NIPA1: variants seen among roughly 807,000 people sequenced by gnomAD.
NIPA1 encodes NIPA magnesium transporter 1, also known as magnesium transporter NIPA1.
A neutral mutation model predicts 23.9 loss-of-function variants in NIPA1; 13 were observed. The ratio of observed to expected loss-of-function variants is 0.54; its 90% CI spans 0.35 to 0.87. The LOEUF (loss-of-function observed/expected upper bound fraction) is 0.87, where lower values mean the gene tolerates loss of function less well. Among genes scored for constraint, NIPA1 ranks in the 40% least tolerant of loss-of-function variants. The pLI is 0.01. For missense variants in NIPA1, 362 were observed against 429.7 expected, an observed-to-expected ratio of 0.84 and a Z score of 1.39; for synonymous variants, 234 against 202.9, an observed-to-expected ratio of 1.15 and a Z score of -1.30.
intron 1 of NIPA1, among the ~76,000 whole-genome samples, chr15:22,797,748 C>T (rs1449834848): frequency 2.0e-5 from 3 of 152,256 alleles, no homozygotes; most frequent in South Asian, 2.1e-4. Flanking sequence ...CGTGATCCGC[C>T]CACCTCGGCC....
intron 1 of NIPA1, among the ~76,000 whole-genome samples, chr15:22,793,843 T>A (rs953743375): frequency 6.6e-6 from 1 of 152,166 alleles, no homozygotes; most frequent in African/African-American, 2.4e-5. Flanking sequence ...CCCCAGTGTA[T>A]GTTCTTGCTG....
At position 22,798,644 on chromosome 15, in the gene NIPA1, C is replaced by T. The variant is rs561592420; in HGVS notation, c.178+11810C>T. 5.4e-5 allele frequency among the ~76,000 whole-genome samples: 8 copies of T among 148,720 alleles called. No homozygotes were observed. The South Asian group carries it at 1.5e-3, about 28-fold the overall frequency. On this transcript the variant is annotated intron_variant, in intron 1 of 4. Transcript: ENST00000337435. ...CGGGTGGATCACGAGGTCAGGAGAT[C>T]GAGACCATCCTGGCCAACACGGTGA...
At chr15:22,808,844 A>T (rs1483557655) in intron 1 of NIPA1, among the ~76,000 whole-genome samples, 2 of 151,636 alleles carry the variant, frequency 1.3e-5, no homozygotes, top group Non-Finnish European at 2.9e-5. Context: ...TAATTTTTAA[A>T]TTTTTTGTAG....
intron 1 of NIPA1, among the ~76,000 whole-genome samples, chr15:22,807,782 T>TTGTGTGTGTGTG (rs71117484): frequency 2.4e-4 from 35 of 145,822 alleles, no homozygotes; most frequent in African/African-American, 6.6e-4. Flanking sequence ...TTAAATTCAC[T>TTGTGTGTGTGTG]TGTGTGTGTG....
At chr15:22,789,622 G>A (rs147610925) in intron 1 of NIPA1, among the ~76,000 whole-genome samples, 56 of 152,294 alleles carry the variant, frequency 3.7e-4, no homozygotes, top group African/African-American at 1.3e-3. Flanking sequence ...AGGCGAGGGA[G>A]GCATGGAGGT....
At chr15:22,793,886 A>C (rs1236313111) in intron 1 of NIPA1, among the ~76,000 whole-genome samples, 1 of 152,032 alleles carries the variant, frequency 6.6e-6, no homozygotes, top group Non-Finnish European at 1.5e-5. Flanking sequence ...GTAAATATGT[A>C]GATTTATTTC....
intron 1 of NIPA1, among the ~76,000 whole-genome samples, chr15:22,788,515 A>AAAAAAAAAAAAAAAAAAC (rs1894760236): frequency 6.0e-5 from 9 of 151,098 alleles, no homozygotes; most frequent in Non-Finnish European, 1.0e-4. Flanking sequence ...AAAAAAAAAA[A>AAAAAAAAAAAAAAAAAAC]TCTTGCAGTA....
chr15:22,803,520 T>A (rs1895132710), intron 1 of NIPA1, among the ~76,000 whole-genome samples: 1 of 138,428 alleles, frequency 7.2e-6, no homozygotes, highest in African/African-American at 2.7e-5. Context: ...TTTTTTTTTT[T>A]TTTTTTGAGA....
chr15:22,786,682 CG>C lies in NIPA1; in HGVS notation c.28del (p.Ala10ArgfsTer32). MGTAAAAA[A>X]AAAAAAAGEG... ...ATGGGGACTGCAGCTGCGGCAGCGG[CG>C]GCGGCGGCGGCGGCGGCGGCCGGGG... On this transcript the variant is annotated frameshift_variant, in exon 1 of 5. Coordinates refer to ENST00000337435, the MANE Select transcript of NIPA1 (RefSeq NM_144599.5). LOFTEE classifies it high-confidence loss of function. 8 of 1,032,650 alleles carry C rather than the reference CG, an allele frequency of 7.7e-6. No individual in the cohort carries two copies. The highest frequency in any genetic ancestry group is 9.4e-6 in the Non-Finnish European group (8 of 851,456). The allele number at this position is 1,032,650 out of a possible 1,614,324, so 64.0% of individuals were successfully genotyped here.
At chr15:22,795,667 G>C (rs886232828) in intron 1 of NIPA1, among the ~76,000 whole-genome samples, 6 of 152,162 alleles carry the variant, frequency 3.9e-5, no homozygotes, top group African/African-American at 1.4e-4. Context: ...TGGAAGCTTG[G>C]TGGATCCTTG....
At chr15:22,818,800 AAATGAATG>A (rs967245529) in intron 3 of NIPA1, among the ~76,000 whole-genome samples, 1 of 152,164 alleles carries the variant, frequency 6.6e-6, no homozygotes, top group Non-Finnish European at 1.5e-5. Context: ...CTGTCTCAAT[AAATGAATG>A]AATGAATGAA....
chr15:22,812,672 G>T (rs1344576784), intron 3 of NIPA1, among the ~76,000 whole-genome samples: 2 of 151,662 alleles, frequency 1.3e-5, no homozygotes, highest in Non-Finnish European at 2.9e-5. Context: ...AAAGAAGATA[G>T]ATCTTCAGTA....
At chr15:22,810,825 C>A in intron 2 of NIPA1, 29 bp downstream of exon 2, 6 of 1,563,002 alleles carry the variant, frequency 3.8e-6, no homozygotes, top group Non-Finnish European at 5.3e-6. Context: ...GAAGTCTGGT[C>A]TTTTCCTTTC....
At chr15:22,791,586 C>T (rs567182348) in intron 1 of NIPA1, among the ~76,000 whole-genome samples, 8 of 143,632 alleles carry the variant, frequency 5.6e-5, no homozygotes, top group East Asian at 2.2e-4. Context: ...CAGGTTCAAG[C>T]GATTCTCCTG....
rs543273835 is a variant in NIPA1, at chr15:22,789,710, C to G, written c.178+2876C>G. Reference sequence around the variant, plus strand: ...GTGGGGAATCCATGTGGGACTGCAACAACCTCAATTCTTGCTTCCTCAGAA... The same window carrying G: ...GTGGGGAATCCATGTGGGACTGCAAGAACCTCAATTCTTGCTTCCTCAGAA... On this transcript the variant is annotated intron_variant, in intron 1 of 4. Coordinates refer to ENST00000337435, the MANE Select transcript of NIPA1 (RefSeq NM_144599.5). 9.2e-5 allele frequency among the ~76,000 whole-genome samples: 14 copies of G among 152,288 alleles called. No homozygotes were observed. The South Asian group carries it at 1.7e-3, about 18-fold the overall frequency.
In NIPA1 at chr15:22,794,240, G is replaced by A. The variant is rs566078715; in HGVS notation, c.178+7406G>A. Among the ~76,000 whole-genome samples the A allele has an allele frequency of 3.3e-5, 5 of 151,264 alleles. No homozygotes were observed. In the East Asian group the frequency reaches 5.8e-4, roughly 18 times the overall value. On this transcript the variant is annotated intron_variant, in intron 1 of 4. Coordinates refer to ENST00000337435, the MANE Select transcript of NIPA1 (RefSeq NM_144599.5). The stretch of plus-strand genomic sequence containing the variant: ...CAACATGGAGGACATTGTGCTGAGC[G>A]AAACAAGCCAATCACAAATGACAAA...
intron 3 of NIPA1, among the ~76,000 whole-genome samples, chr15:22,818,394 C>G (rs1895468015): frequency 6.6e-6 from 1 of 152,014 alleles, no homozygotes. Flanking sequence ...CGAGATTGCG[C>G]CATTGCACTC....
At chr15:22,788,582 G>C (rs148918144) in intron 1 of NIPA1, among the ~76,000 whole-genome samples, 3 of 151,634 alleles carry the variant, frequency 2.0e-5, no homozygotes, top group Non-Finnish European at 4.4e-5. Context: ...ACAACCAGGA[G>C]GAGCCTAAGA....
At chr15:22,810,506 C>T (rs1168446333) in intron 1 of NIPA1, among the ~76,000 whole-genome samples, 1 of 151,912 alleles carries the variant, frequency 6.6e-6, no homozygotes, top group Admixed American at 6.6e-5. Flanking sequence ...GTATAAAGAT[C>T]TCATTTCCTT....
Sources: gnomAD v4.1 joint callset for allele counts (sites outside exome capture counted in the v4.1 genomes callset) on GRCh38, gnomAD v4.1.1 for gene constraint, MANE v1.5 for transcripts, NCBI Gene and HGNC (gene_info 2026-07-23, HGNC 2026-07-21) for gene names.